CEP112: variants seen among roughly 807,000 people sequenced by gnomAD.
CEP112 encodes centrosomal protein of 112 kDa.
A neutral mutation model predicts 153.0 loss-of-function variants in CEP112; 127 were observed. The ratio of observed to expected loss-of-function variants is 0.83; its 90% CI spans 0.72 to 0.96. The LOEUF is 0.96. CEP112 is among the 40% of genes least tolerant of loss of function. CEP112 has a pLI of 0.00. For synonymous variants in CEP112, 358 were observed against 374.4 expected (o/e 0.96, Z 0.51); for missense variants, 1,089 against 1,101.2 (o/e 0.99, Z 0.16).
At chr17:65,716,683 A>T (rs2049540792) in intron 23 of CEP112, among the ~76,000 whole-genome samples, 1 of 152,170 alleles carries the variant, frequency 6.6e-6, no homozygotes, top group Non-Finnish European at 1.5e-5. Flanking sequence ...AATGTGTTCA[A>T]AGTTTCCATC....
chr17:65,760,304 G>A (rs1274334825), intron 21 of CEP112, among the ~76,000 whole-genome samples: 3 of 152,086 alleles, frequency 2.0e-5, no homozygotes, highest in African/African-American at 7.2e-5. Flanking sequence ...AAAAAGGAGT[G>A]GTGAGAGGGG....
intron 21 of CEP112, among the ~76,000 whole-genome samples, chr17:65,848,361 T>C (rs1286060173): frequency 6.6e-6 from 1 of 152,194 alleles, no homozygotes; most frequent in Non-Finnish European, 1.5e-5. Flanking sequence ...TCAACCCTCA[T>C]CCTTCCTGAG....
chr17:65,983,161 C>T (rs539735037), intron 17 of CEP112, among the ~76,000 whole-genome samples: 6 of 152,232 alleles, frequency 3.9e-5, no homozygotes, highest in South Asian at 2.1e-4. Context: ...TGCACAACAA[C>T]GTGAATGTAC....
chr17:65,823,850 T>C (rs1408328693), intron 21 of CEP112, among the ~76,000 whole-genome samples: 1 of 152,108 alleles, frequency 6.6e-6, no homozygotes, highest in Non-Finnish European at 1.5e-5. Context: ...GATGACAAAA[T>C]ATACACAGGA....
At chr17:65,832,305 C>T (rs2146127187) in intron 21 of CEP112, among the ~76,000 whole-genome samples, 1 of 151,640 alleles carries the variant, frequency 6.6e-6, no homozygotes, top group Non-Finnish European at 1.5e-5. Flanking sequence ...AAGAACAAAT[C>T]AACCTCAAAG....
intron 23 of CEP112, among the ~76,000 whole-genome samples, chr17:65,735,400 G>A (rs945027676): frequency 2.0e-5 from 3 of 152,142 alleles, no homozygotes; most frequent in Non-Finnish European, 4.4e-5. Flanking sequence ...CAGCAGAAGT[G>A]CTTCATGTGT....
intron 21 of CEP112, among the ~76,000 whole-genome samples, chr17:65,819,464 C>A (rs1211045363): frequency 1.3e-5 from 2 of 151,938 alleles, no homozygotes; most frequent in Non-Finnish European, 2.9e-5. Flanking sequence ...ATGGTTCAGA[C>A]AAAATTAGTG....
intron 21 of CEP112, among the ~76,000 whole-genome samples, chr17:65,754,734 C>A (rs1447658469): frequency 1.3e-5 from 2 of 152,180 alleles, no homozygotes; most frequent in Non-Finnish European, 2.9e-5. Context: ...GTGAGAGAAC[C>A]AGGTCCTGCA....
chr17:65,943,060 T>C (rs1432401354), intron 18 of CEP112, among the ~76,000 whole-genome samples: 1 of 152,146 alleles, frequency 6.6e-6, no homozygotes, highest in Non-Finnish European at 1.5e-5. Flanking sequence ...GTGTAAGAAA[T>C]AATCCTTCAA....
intron 24 of CEP112, among the ~76,000 whole-genome samples, chr17:65,677,630 C>T (rs9909550): frequency 6.6e-6 from 1 of 152,056 alleles, no homozygotes; most frequent in Non-Finnish European, 1.5e-5. Flanking sequence ...ATCTCTACTT[C>T]GGCTGGGTGT....
intron 21 of CEP112, among the ~76,000 whole-genome samples, chr17:65,811,607 A>G (rs6504361): frequency 0.97 from 147,792 of 152,264 alleles, 71,808 homozygotes; most frequent in East Asian, 1. Context: ...TCCATCCAAC[A>G]TCATATTGGC....
chr17:65,784,617 A>G (rs1819911), intron 21 of CEP112, among the ~76,000 whole-genome samples: 120 of 152,202 alleles, frequency 7.9e-4, no homozygotes, highest in African/African-American at 2.7e-3. Flanking sequence ...AGTAGCTGGG[A>G]CTATGGGCGC....
chr17:66,122,159 G>T (rs1217412216), intron 6 of CEP112, among the ~76,000 whole-genome samples: 1 of 152,096 alleles, frequency 6.6e-6, no homozygotes, highest in Non-Finnish European at 1.5e-5. Flanking sequence ...CTCCCAAAGT[G>T]CTGGGATTAT....
chr17:65,798,309 T>A (rs2055056355), intron 21 of CEP112, among the ~76,000 whole-genome samples: 1 of 152,204 alleles, frequency 6.6e-6, no homozygotes, highest in African/African-American at 2.4e-5. Flanking sequence ...CTCATATGTA[T>A]CTGAGTGAAA....
chr17:66,082,569 C>A (rs928984959), intron 8 of CEP112, among the ~76,000 whole-genome samples: 20 of 152,084 alleles, frequency 1.3e-4, no homozygotes, highest in African/African-American at 4.8e-4. Context: ...TCGAGACCAG[C>A]CTGGCCAACA....
At chr17:65,907,362 G>A (rs1467969513) in intron 19 of CEP112, among the ~76,000 whole-genome samples, 1 of 152,132 alleles carries the variant, frequency 6.6e-6, no homozygotes, top group Non-Finnish European at 1.5e-5. Flanking sequence ...AACATAAATA[G>A]TCATAAATGA....
At chr17:65,838,876 C>T (rs927864667) in intron 21 of CEP112, among the ~76,000 whole-genome samples, 17 of 152,096 alleles carry the variant, frequency 1.1e-4, no homozygotes, top group South Asian at 2.1e-4. Flanking sequence ...AACATCTACA[C>T]GCCAACAAAA....
At chr17:65,824,160 C>T (rs898947175) in intron 21 of CEP112, among the ~76,000 whole-genome samples, 8 of 152,094 alleles carry the variant, frequency 5.3e-5, no homozygotes, top group Non-Finnish European at 1.0e-4. Context: ...GCTTACCAAC[C>T]CAGATATTTC....
At position 66,056,430 on chromosome 17, in the gene CEP112, C is replaced by T. The variant is rs143029560; in HGVS notation, c.1075-2551G>A. ...ACACCTAACAGAATGTAAAAACACACACAAATGTTCACAGCAACATTATTC... is the reference window on the plus strand; with the variant it reads ...ACACCTAACAGAATGTAAAAACACATACAAATGTTCACAGCAACATTATTC... On this transcript the variant is annotated intron_variant, in intron 11 of 26. Coordinates refer to ENST00000535342, the MANE Select transcript of CEP112 (RefSeq NM_001199165.4). Among the ~76,000 whole-genome samples the T allele has an allele frequency of 4.6e-5, 7 of 152,346 alleles. No individual in the cohort carries two copies. In the East Asian group the frequency reaches 1.3e-3, roughly 29 times the overall value.
Sources: allele counts gnomAD v4.1 joint callset (sites outside exome capture counted in the v4.1 genomes callset), GRCh38; gene constraint gnomAD v4.1.1; transcripts MANE v1.5; gene names NCBI Gene and HGNC (gene_info 2026-07-23, HGNC 2026-07-21).